Variants in SGCZ observed in about 807,000 individuals in gnomAD.
SGCZ encodes sarcoglycan zeta.
Under a neutral mutation model 41.3 loss-of-function variants are expected in SGCZ, and 40 were observed. The observed-to-expected ratio is 0.97, with a 90% CI of 0.75 to 1.26. The LOEUF is 1.26. SGCZ is among the 50% of genes most tolerant of loss of function. The pLI is 0.00. For missense variants in SGCZ, 552 were observed against 369.8 expected, an observed-to-expected ratio of 1.49 and a Z score of -4.04; for synonymous variants, 206 against 137.5, an observed-to-expected ratio of 1.50 and a Z score of -3.49.
chr8:14,940,319 G>C (rs927749879), intron 1 of SGCZ, among the ~76,000 whole-genome samples: 3 of 151,952 alleles, frequency 2.0e-5, no homozygotes, highest in African/African-American at 7.3e-5. Flanking sequence ...TCCATCTAAT[G>C]CATTATGCAT....
At chr8:14,301,073 AT>A (rs894151390) in intron 3 of SGCZ, among the ~76,000 whole-genome samples, 20 of 151,812 alleles carry the variant, frequency 1.3e-4, no homozygotes, top group African/African-American at 4.3e-4. Context: ...CATCATCATC[AT>A]CATCATCATC....
At chr8:14,611,339 TG>T (rs200906275) in intron 1 of SGCZ, among the ~76,000 whole-genome samples, 24,621 of 152,140 alleles carry the variant, frequency 0.16, 2,185 homozygotes, top group Non-Finnish European at 0.2. Context: ...TCTATGTGTG[TG>T]TGTGTGAATG....
chr8:14,859,105 G>A (rs548559512), intron 1 of SGCZ, among the ~76,000 whole-genome samples: 2 of 152,116 alleles, frequency 1.3e-5, no homozygotes, highest in African/African-American at 4.8e-5. Flanking sequence ...AACAATGCCA[G>A]AAGTCCTTTT....
chr8:14,318,302 C>G (rs1408605601), intron 3 of SGCZ, among the ~76,000 whole-genome samples: 2 of 151,806 alleles, frequency 1.3e-5, no homozygotes, highest in African/African-American at 4.8e-5. Flanking sequence ...TACTATACAT[C>G]AAACTCCAGA....
intron 1 of SGCZ, among the ~76,000 whole-genome samples, chr8:14,647,911 G>C (rs1673973584): frequency 6.6e-6 from 1 of 151,910 alleles, no homozygotes; most frequent in African/African-American, 2.4e-5. Flanking sequence ...TTTAATTCTT[G>C]TTTGGGTATT....
chr8:15,145,212 AT>A (rs1799005927), intron 1 of SGCZ, among the ~76,000 whole-genome samples: 2 of 152,316 alleles, frequency 1.3e-5, no homozygotes, highest in South Asian at 4.1e-4. Flanking sequence ...TTCATTATAC[AT>A]TCTCTTTTGT....
intron 1 of SGCZ, among the ~76,000 whole-genome samples, chr8:14,559,675 T>C (rs1231410091): frequency 1.3e-5 from 2 of 152,110 alleles, no homozygotes; most frequent in Non-Finnish European, 2.9e-5. Flanking sequence ...TCCTGTTAAA[T>C]CTTATGTTTC....
chr8:14,452,109 AG>A (rs1800611562), intron 2 of SGCZ, among the ~76,000 whole-genome samples: 1 of 152,220 alleles, frequency 6.6e-6, no homozygotes, highest in Non-Finnish European at 1.5e-5. Flanking sequence ...GTGGATACAC[AG>A]GGACACATCC....
At chr8:14,892,136 T>C (rs1805039774) in intron 1 of SGCZ, among the ~76,000 whole-genome samples, 1 of 152,196 alleles carries the variant, frequency 6.6e-6, no homozygotes, top group Non-Finnish European at 1.5e-5. Context: ...CATTTTACAT[T>C]ATGGCTTCCA....
intron 1 of SGCZ, among the ~76,000 whole-genome samples, chr8:15,043,875 T>C (rs1053795775): frequency 5.3e-5 from 8 of 152,078 alleles, no homozygotes; most frequent in South Asian, 2.1e-4. Context: ...CTTTCTTCAG[T>C]TGAAAACCAA....
chr8:14,377,761 T>C (rs1384228236), intron 2 of SGCZ, among the ~76,000 whole-genome samples: 2 of 150,854 alleles, frequency 1.3e-5, no homozygotes, highest in African/African-American at 4.9e-5. Context: ...TTCCCACCTA[T>C]GAGTGAGAAT....
At chr8:14,670,968 T>C (rs1286540122) in intron 1 of SGCZ, among the ~76,000 whole-genome samples, 1 of 152,208 alleles carries the variant, frequency 6.6e-6, no homozygotes, top group Non-Finnish European at 1.5e-5. Context: ...AAAGAAAGAA[T>C]AGGTCAGCCT....
intron 2 of SGCZ, among the ~76,000 whole-genome samples, chr8:14,423,777 C>A (rs1315221937): frequency 6.6e-6 from 1 of 152,080 alleles, no homozygotes; most frequent in African/African-American, 2.4e-5. Context: ...TTCCGTCCCC[C>A]CATCTTTCTC....
intron 1 of SGCZ, among the ~76,000 whole-genome samples, chr8:14,794,181 C>T (rs911224584): frequency 6.6e-6 from 1 of 152,062 alleles, no homozygotes; most frequent in African/African-American, 2.4e-5. Context: ...CACGATTAGA[C>T]ACCAATAAAA....
chr8:14,401,089 T>A (rs374535315), intron 2 of SGCZ, among the ~76,000 whole-genome samples: 1 of 152,102 alleles, frequency 6.6e-6, no homozygotes, highest in Admixed American at 6.6e-5. Context: ...AGGAAAGCAG[T>A]CCACACTGTG....
Position 14,181,815 on chromosome 8 carries a change from T to C in SGCZ, c.425-17113A>G, listed in dbSNP as rs528063024. On this transcript the variant is annotated intron_variant, in intron 4 of 7. Transcript: ENST00000382080. ...AGTTAAACATCTTCCCTTTATAAAT[T>C]ACTCAGCCTTGGGTATGTCTTTCTT... 2.0e-5 allele frequency among the ~76,000 whole-genome samples: 3 copies of C among 152,308 alleles called. 1 individual carries two copies. In the South Asian group the frequency reaches 6.2e-4, roughly 32 times the overall value.
chr8:14,679,841 T>C (rs76262215), intron 1 of SGCZ, among the ~76,000 whole-genome samples: 30,083 of 151,762 alleles, frequency 0.2, 3,610 homozygotes, highest in East Asian at 0.44. Context: ...CCTATACAGA[T>C]GTTTTCTTTG....
intron 5 of SGCZ, among the ~76,000 whole-genome samples, chr8:14,138,047 T>G (rs189810936): frequency 1.3e-5 from 2 of 152,116 alleles, no homozygotes; most frequent in African/African-American, 4.8e-5. Context: ...AAGAAAAGAA[T>G]TTTCAACCCA....
chr8:14,158,480 A>G (rs941906755), intron 5 of SGCZ, among the ~76,000 whole-genome samples: 25 of 152,048 alleles, frequency 1.6e-4, no homozygotes, highest in African/African-American at 5.3e-4. Flanking sequence ...CTCCCAGTCC[A>G]CCGACTCAAA....
Sources: allele counts gnomAD v4.1 joint callset (sites outside exome capture counted in the v4.1 genomes callset), GRCh38; gene constraint gnomAD v4.1.1; transcripts MANE v1.5; gene names NCBI Gene and HGNC (gene_info 2026-07-23, HGNC 2026-07-21).